Variants in SAMMSON observed in about 807,000 individuals in gnomAD.
The protein encoded by SAMMSON is survival associated mitochondrial melanoma specific oncogenic non-coding RNA.
chr3:70,091,313 A>G (rs1288895025), intron 4 of SAMMSON, among the ~76,000 whole-genome samples: 3 of 152,104 alleles, frequency 2.0e-5, no homozygotes, highest in Non-Finnish European at 4.4e-5. Flanking sequence ...ACACTAATGC[A>G]TTTGTATTTC....
intron 7 of SAMMSON, among the ~76,000 whole-genome samples, chr3:70,305,499 G>T (rs913051739): frequency 6.6e-6 from 1 of 152,262 alleles, no homozygotes; most frequent in South Asian, 2.1e-4. Context: ...TTATCTGAGT[G>T]AGAGAATTAG....
At chr3:70,197,008 T>C (rs748884199) in intron 4 of SAMMSON, 4 of 398,420 alleles carry the variant, frequency 1.0e-5, no homozygotes, top group Non-Finnish European at 4.4e-6. Flanking sequence ...AAGGCTGCAG[T>C]CCATGTCACA....
At chr3:70,340,307 G>T (rs1702702149) in intron 7 of SAMMSON, among the ~76,000 whole-genome samples, 1 of 150,740 alleles carries the variant, frequency 6.6e-6, no homozygotes, top group Non-Finnish European at 1.5e-5. Context: ...TGAGTTAATG[G>T]GTGCAGCACA....
chr3:70,227,514 G>A (rs1307228557), intron 4 of SAMMSON, among the ~76,000 whole-genome samples: 1 of 152,138 alleles, frequency 6.6e-6, no homozygotes, highest in Admixed American at 6.5e-5. Flanking sequence ...TTCGATAGAG[G>A]GACAAGGCTA....
chr3:70,247,446 C>T (rs1008946795), intron 4 of SAMMSON, among the ~76,000 whole-genome samples: 4 of 151,642 alleles, frequency 2.6e-5, no homozygotes, highest in Non-Finnish European at 4.4e-5. Flanking sequence ...TTGAGCACTT[C>T]ATATGTATTC....
intron 4 of SAMMSON, among the ~76,000 whole-genome samples, chr3:70,135,943 T>TG (rs1320280006): frequency 9.0e-5 from 1 of 11,130 alleles, no homozygotes; most frequent in Non-Finnish European, 2.8e-4. Flanking sequence ...GTTCTCTAAG[T>TG]GTTTTTTTTT....
At chr3:70,278,704 G>A (rs181874972) in intron 6 of SAMMSON, among the ~76,000 whole-genome samples, 1 of 152,224 alleles carries the variant, frequency 6.6e-6, no homozygotes, top group African/African-American at 2.4e-5. Context: ...ATCCAACCTG[G>A]TTGGAACCCA....
At chr3:70,272,706 A>G (rs1015097) in intron 6 of SAMMSON, among the ~76,000 whole-genome samples, 59,398 of 152,120 alleles carry the variant, frequency 0.39, 11,902 homozygotes, top group East Asian at 0.61. Context: ...GATTTTAGAT[A>G]GAGTACATTG....
intron 4 of SAMMSON, among the ~76,000 whole-genome samples, chr3:70,093,433 T>C (rs893290769): frequency 6.6e-6 from 1 of 151,922 alleles, no homozygotes; most frequent in African/African-American, 2.4e-5. Flanking sequence ...ATGGCTTGGA[T>C]TGTAGATCTT....
chr3:70,331,046 T>C (rs1193386343), intron 7 of SAMMSON, among the ~76,000 whole-genome samples: 1 of 152,206 alleles, frequency 6.6e-6, no homozygotes, highest in Non-Finnish European at 1.5e-5. Flanking sequence ...CCTGTGGTGA[T>C]ATTAAGCCTG....
intron 9 of SAMMSON, among the ~76,000 whole-genome samples, chr3:70,383,912 T>G (rs1163951780): frequency 6.6e-6 from 1 of 152,080 alleles, no homozygotes. Flanking sequence ...CTCTAACAAT[T>G]TGTTTTTCTT....
Position 70,089,102 on chromosome 3 carries a change from G to C in SAMMSON, n.507+17537G>C, listed in dbSNP as rs539244578. ...CTAAAATGGGGCAATAAAAGAGGAC[G>C]CTTGAAAAAACAAACTGCTTGTTAT... On this transcript the variant is annotated intron_variant and non_coding_transcript_variant, in intron 4 of 9. Transcript: ENST00000642114. Among the ~76,000 whole-genome samples the C allele has an allele frequency of 4.6e-5, 7 of 151,938 alleles. No homozygotes were observed. The South Asian group carries it at 1.5e-3, about 32-fold the overall frequency.
At chr3:70,403,579 C>T (rs2216367) in intron 2 of SAMMSON, among the ~76,000 whole-genome samples, 15,559 of 152,210 alleles carry the variant, frequency 0.1, 887 homozygotes, top group Non-Finnish European at 0.13. Context: ...GATTGGAACA[C>T]GTGCTCATTC....
intron 3 of SAMMSON, among the ~76,000 whole-genome samples, chr3:70,019,863 C>A: frequency 6.6e-6 from 1 of 151,948 alleles, no homozygotes; most frequent in Non-Finnish European, 1.5e-5. Flanking sequence ...AGTAAGGAAC[C>A]CTGTTTGGCT....
chr3:70,194,264 C>T (rs1254033824), intron 4 of SAMMSON, among the ~76,000 whole-genome samples: 4 of 152,164 alleles, frequency 2.6e-5, no homozygotes, highest in Non-Finnish European at 5.9e-5. Flanking sequence ...TCAGAATACT[C>T]TGTTCCCTGA....
At chr3:70,135,894 T>C (rs2106677315) in intron 4 of SAMMSON, among the ~76,000 whole-genome samples, 1 of 152,074 alleles carries the variant, frequency 6.6e-6, no homozygotes, top group Admixed American at 6.5e-5. Context: ...AGCATGTGGC[T>C]TATGCAGCTA....
At chr3:70,099,202 A>C (rs968009376) in intron 4 of SAMMSON, among the ~76,000 whole-genome samples, 1 of 152,194 alleles carries the variant, frequency 6.6e-6, no homozygotes, top group Non-Finnish European at 1.5e-5. Flanking sequence ...TTACACACAA[A>C]TATTATATTT....
intron 7 of SAMMSON, among the ~76,000 whole-genome samples, chr3:70,346,688 C>G (rs1553657472): frequency 6.6e-6 from 1 of 152,074 alleles, no homozygotes; most frequent in Non-Finnish European, 1.5e-5. Flanking sequence ...CTTCCAAATC[C>G]TCATCTTTGA....
intron 1 of SAMMSON, among the ~76,000 whole-genome samples, chr3:70,000,202 T>G (rs955604686): frequency 5.3e-5 from 8 of 152,126 alleles, no homozygotes; most frequent in Non-Finnish European, 1.0e-4. Context: ...CTTCGGGAGC[T>G]GTAAACAGTC....
Sources: allele counts gnomAD v4.1 joint callset (sites outside exome capture counted in the v4.1 genomes callset), GRCh38; gene constraint gnomAD v4.1.1; transcripts MANE v1.5; gene names NCBI Gene and HGNC (gene_info 2026-07-23, HGNC 2026-07-21).